KCNB2: variants seen among roughly 807,000 people sequenced by gnomAD.
KCNB2 encodes delayed rectifier potassium channel protein.
In KCNB2, 15 loss-of-function variants were observed where a neutral mutation model predicts 61.5. That is an observed-to-expected ratio of 0.24 (90% CI 0.16 to 0.38). KCNB2 has a LOEUF of 0.38. Ranked by LOEUF, KCNB2 falls within the 10% of genes least tolerant of loss-of-function variation. KCNB2 has a pLI of 1.00. For synonymous variants in KCNB2, 457 were observed against 446.0 expected, an observed-to-expected ratio of 1.02 and a Z score of -0.31; for missense variants, 828 against 1,125.2, an observed-to-expected ratio of 0.74 and a Z score of 3.78.
At chr8:72,600,777 A>G (rs1456735668) in intron 2 of KCNB2, among the ~76,000 whole-genome samples, 1 of 152,094 alleles carries the variant, frequency 6.6e-6, no homozygotes. Context: ...TGTAAGTGGA[A>G]GCTAAATTAT....
intron 2 of KCNB2, among the ~76,000 whole-genome samples, chr8:72,904,070 T>TC (rs2129006825): frequency 6.6e-6 from 1 of 152,266 alleles, no homozygotes; most frequent in East Asian, 1.9e-4. Flanking sequence ...TGAAACATTT[T>TC]CCTTTCTCGT....
chr8:72,928,197 T>TC (rs1200290702), intron 2 of KCNB2, among the ~76,000 whole-genome samples: 1 of 150,238 alleles, frequency 6.7e-6, no homozygotes, highest in Non-Finnish European at 1.5e-5. Flanking sequence ...CTTTCTTTTT[T>TC]TTTTTTTTTT....
At chr8:72,838,582 G>A (rs1224660314) in intron 2 of KCNB2, among the ~76,000 whole-genome samples, 2 of 152,204 alleles carry the variant, frequency 1.3e-5, no homozygotes, top group Admixed American at 6.5e-5. Context: ...ACGTGTGCAT[G>A]TGTCTTTATA....
At chr8:72,932,899 A>T (rs1585985264) in intron 2 of KCNB2, among the ~76,000 whole-genome samples, 1 of 152,210 alleles carries the variant, frequency 6.6e-6, no homozygotes, top group Non-Finnish European at 1.5e-5. Flanking sequence ...TGCACCACAC[A>T]TCACCTTGGT....
At chr8:72,644,763 T>C (rs192381425) in intron 2 of KCNB2, among the ~76,000 whole-genome samples, 1 of 152,208 alleles carries the variant, frequency 6.6e-6, no homozygotes, top group Admixed American at 6.5e-5. Context: ...GAACTGCTCA[T>C]GTACTTTATC....
At chr8:72,606,611 T>G (rs1279863945) in intron 2 of KCNB2, among the ~76,000 whole-genome samples, 1 of 152,202 alleles carries the variant, frequency 6.6e-6, no homozygotes, top group Admixed American at 6.5e-5. Flanking sequence ...CCCTATGGTA[T>G]TGGTCCCTTC....
intron 2 of KCNB2, among the ~76,000 whole-genome samples, chr8:72,928,424 C>T (rs1002845162): frequency 6.6e-6 from 1 of 151,834 alleles, no homozygotes; most frequent in Non-Finnish European, 1.5e-5. Flanking sequence ...TCGAACTCCT[C>T]ACCTCAAGTG....
intron 2 of KCNB2, among the ~76,000 whole-genome samples, chr8:72,603,577 G>A (rs913060291): frequency 3.3e-5 from 5 of 152,152 alleles, no homozygotes; most frequent in Admixed American, 2.0e-4. Flanking sequence ...GTGTGTCAGC[G>A]ATGCAGAGCA....
intron 2 of KCNB2, among the ~76,000 whole-genome samples, chr8:72,687,476 C>A (rs1806870442): frequency 6.6e-6 from 1 of 152,106 alleles, no homozygotes; most frequent in Non-Finnish European, 1.5e-5. Flanking sequence ...TAAGGAGATT[C>A]CAGCAAGTAT....
intron 2 of KCNB2, among the ~76,000 whole-genome samples, chr8:72,911,576 A>T (rs1806294380): frequency 6.6e-6 from 1 of 152,230 alleles, no homozygotes; most frequent in Non-Finnish European, 1.5e-5. Context: ...ATGGCCTTCA[A>T]ATAAAAGGCC....
chr8:72,576,844 A>G (rs1382531591), intron 2 of KCNB2, among the ~76,000 whole-genome samples: 1 of 152,250 alleles, frequency 6.6e-6, no homozygotes, highest in East Asian at 1.9e-4. Context: ...ACACAAACAT[A>G]ATGAAGCTAG....
At chr8:72,887,900 T>C (rs545669763) in intron 2 of KCNB2, among the ~76,000 whole-genome samples, 32 of 152,302 alleles carry the variant, frequency 2.1e-4, no homozygotes, top group African/African-American at 7.0e-4. Context: ...ACCATTGCAA[T>C]CCTCTTCAGC....
intron 2 of KCNB2, among the ~76,000 whole-genome samples, chr8:72,703,794 T>C (rs949623220): frequency 6.6e-6 from 1 of 152,162 alleles, no homozygotes; most frequent in South Asian, 2.1e-4. Context: ...AGATGTGAAG[T>C]CATTGAATGC....
intron 2 of KCNB2, among the ~76,000 whole-genome samples, chr8:72,925,936 T>C (rs1211920915): frequency 1.3e-5 from 2 of 152,330 alleles, no homozygotes; most frequent in African/African-American, 2.4e-5. Flanking sequence ...CGAGATCATG[T>C]CCTTTGCAGG....
chr8:72,581,568 CAT>C (rs1336187100), intron 2 of KCNB2, among the ~76,000 whole-genome samples: 2 of 152,188 alleles, frequency 1.3e-5, no homozygotes, highest in Non-Finnish European at 2.9e-5. Flanking sequence ...GACTAAATAG[CAT>C]AGATAGAGGT....
intron 2 of KCNB2, among the ~76,000 whole-genome samples, chr8:72,609,383 T>C (rs1805502150): frequency 6.6e-6 from 1 of 152,240 alleles, no homozygotes; most frequent in African/African-American, 2.4e-5. Flanking sequence ...TCATAAAATT[T>C]CAGTCAACAC....
chr8:72,855,736 C>A (rs1810196745), intron 2 of KCNB2, among the ~76,000 whole-genome samples: 1 of 152,018 alleles, frequency 6.6e-6, no homozygotes, highest in Admixed American at 6.6e-5. Flanking sequence ...CCTTCCAGAC[C>A]CTTTAAGTCA....
chr8:72,851,250 C>G (rs545944762), intron 2 of KCNB2, among the ~76,000 whole-genome samples: 2 of 6,322 alleles, frequency 3.2e-4, no homozygotes, highest in East Asian at 1.3e-3. Flanking sequence ...ACGTGTGAAA[C>G]TTCTGTGTGC....
intron 1 of KCNB2, among the ~76,000 whole-genome samples, chr8:72,555,917 C>T (rs1285523448): frequency 6.6e-6 from 1 of 152,068 alleles, no homozygotes; most frequent in Non-Finnish European, 1.5e-5. Context: ...AATTTCACAA[C>T]CCTTAACCAC....
Sources: allele counts gnomAD v4.1 joint callset (sites outside exome capture counted in the v4.1 genomes callset), GRCh38; gene constraint gnomAD v4.1.1; transcripts MANE v1.5; gene names NCBI Gene and HGNC (gene_info 2026-07-23, HGNC 2026-07-21).